The following KCNK5 variants were observed in gnomAD, a reference collection of about 807,000 sequenced individuals.
KCNK5 encodes potassium two pore domain channel subfamily K member 5.
A neutral mutation model predicts 32.9 loss-of-function variants in KCNK5; 18 were observed. The observed-to-expected ratio is 0.55, with a 90% confidence interval of 0.38 to 0.81. The LOEUF (loss-of-function observed/expected upper bound fraction) is 0.81. Among genes scored for constraint, KCNK5 ranks in the 30% least tolerant of loss-of-function variants. The pLI is 0.00. For synonymous variants in KCNK5, 276 were observed against 275.3 expected (o/e 1.00, Z -0.03); for missense variants, 507 against 651.0 (o/e 0.78, Z 2.41).
chr6:39,211,562 G>A (rs540071865), intron 1 of KCNK5, among the ~76,000 whole-genome samples: 3 of 152,356 alleles, frequency 2.0e-5, no homozygotes, highest in East Asian at 1.9e-4. Flanking sequence ...AGAACTCTCC[G>A]ATGATGGAAA....
At position 39,229,089 on chromosome 6, in the gene KCNK5, A is replaced by T; in HGVS notation, c.23T>A (p.Leu8His). The T allele has an allele frequency of 1.2e-6, 2 of 1,614,082 alleles. No individual in the cohort carries two copies. Among genetic ancestry groups the T allele is most frequent in the Non-Finnish European group, 1.7e-6 (2 of 1,179,992 alleles). The change falls in exon 1 of 5, where the codon CTC becomes CAC. Residue 8 changes from leucine to histidine, a missense_variant. Physicochemically the swap from Leu to His is moderately conservative, Grantham distance 99. Coordinates refer to ENST00000359534, the MANE Select transcript of KCNK5 (RefSeq NM_003740.4). ...CAGGTAGAAGATGATGGCCGAGGTG[A>T]GCAGAGGGCCCCGGTCCACCATGGC... is the stretch of plus-strand genomic sequence containing the variant. MVDRGPL[L>H]TSAIIFYLAI...
chr6:39,202,585 G>A (rs1163376305), intron 1 of KCNK5, among the ~76,000 whole-genome samples: 2 of 152,206 alleles, frequency 1.3e-5, no homozygotes, highest in Non-Finnish European at 2.9e-5. Context: ...TTCCTGCAGG[G>A]AGGCCTGTCC....
At chr6:39,206,520 C>T (rs993634655) in intron 1 of KCNK5, among the ~76,000 whole-genome samples, 17 of 152,182 alleles carry the variant, frequency 1.1e-4, no homozygotes, top group African/African-American at 3.6e-4. Flanking sequence ...CTTCCCATCC[C>T]GGGCCAATGA....
At chr6:39,220,222 TC>T (rs1459204053) in intron 1 of KCNK5, among the ~76,000 whole-genome samples, 2 of 152,102 alleles carry the variant, frequency 1.3e-5, no homozygotes, top group South Asian at 2.1e-4. Flanking sequence ...GGGGCAAGCA[TC>T]CCCGCTCATA....
rs183378855 is a variant in KCNK5, at chr6:39,228,647, T to A, written c.186+279A>T. Among the ~76,000 whole-genome samples, 10 of 152,282 alleles carry A rather than the reference T, an allele frequency of 6.6e-5. 1 individual carries two copies. Among genetic ancestry groups the A allele is most frequent in the African/African-American group, 2.4e-4 (10 of 41,570 alleles). On this transcript the variant is annotated intron_variant, in intron 1 of 4. Transcript: ENST00000359534. ...GAGGGAGGTACCGTCACACCCACACTGAAACACCGTGGAGCCTAGTTCACC... is the reference window on the plus strand; with the variant it reads ...GAGGGAGGTACCGTCACACCCACACAGAAACACCGTGGAGCCTAGTTCACC...
intron 1 of KCNK5, among the ~76,000 whole-genome samples, chr6:39,217,143 A>C (rs1156589701): frequency 6.9e-6 from 1 of 144,964 alleles, no homozygotes. Context: ...AAAAAAAAAA[A>C]GAAAGAAAAG....
intron 1 of KCNK5, among the ~76,000 whole-genome samples, chr6:39,213,119 T>C (rs529009442): frequency 1.3e-5 from 2 of 152,312 alleles, no homozygotes; most frequent in East Asian, 1.9e-4. Flanking sequence ...TATACACTGT[T>C]AGTGATTACA....
chr6:39,193,874 A>C (rs1184770586), intron 4 of KCNK5, among the ~76,000 whole-genome samples: 1 of 152,196 alleles, frequency 6.6e-6, no homozygotes, highest in African/African-American at 2.4e-5. Flanking sequence ...GTCCCCCATG[A>C]AGCCAAGCTC....
chr6:39,214,336 G>C (rs955695135), intron 1 of KCNK5, among the ~76,000 whole-genome samples: 1 of 152,220 alleles, frequency 6.6e-6, no homozygotes, highest in Non-Finnish European at 1.5e-5. Flanking sequence ...AGTGTCCCCA[G>C]CTAGGAGGGC....
At position 39,191,119 on chromosome 6, in the gene KCNK5, T is replaced by G; in HGVS notation, c.1271A>C (p.Asn424Thr). 1 of 1,614,220 alleles carries G rather than the reference T, an allele frequency of 6.2e-7. No individual in the cohort carries two copies. The highest frequency in any genetic ancestry group is 8.5e-7 in the Non-Finnish European group (1 of 1,180,032). Residue 424 changes from asparagine to threonine, a missense_variant, in exon 5 of 5, where the codon AAC becomes ACC. This residue lies in a region of KCNK5 where 252 missense variants were observed against 250.8 expected (regional missense o/e 1.00). Transcript: ENST00000359534. The surrounding 1 kb of genome is among the most constrained non-coding windows in gnomAD (Gnocchi z 5.8). ...IFQDASITFV[N>T]TEAGLSDEET... is the part of the protein sequence containing the mutation. ...CTCGTCTGAGAGGCCAGCCTCCGTG[T>G]TCACGAAGGTGATGCTGGCGTCCTG...
In KCNK5 at chr6:39,191,184, G is replaced by C; in HGVS notation, c.1206C>G (p.Cys402Trp). 1 of 1,614,190 alleles carries C rather than the reference G, an allele frequency of 6.2e-7. No individual in the cohort carries two copies. The highest frequency in any genetic ancestry group is 1.1e-5 in the South Asian group (1 of 91,090). The change falls in exon 5 of 5, where the codon TGC becomes TGG. Residue 402 changes from cysteine (C) to tryptophan (W), a missense_variant. Cys to Trp is a radical substitution (Grantham distance 215). This residue lies in a region of KCNK5 where 252 missense variants were observed against 250.8 expected (regional missense o/e 1.00). Transcript: ENST00000359534. The surrounding 1 kb of genome is among the most constrained non-coding windows in gnomAD (Gnocchi z 5.8). ...MNQLDRISEE[C>W]EPWDAQDYHP... The stretch of plus-strand genomic sequence containing the variant: ...GGTAGTCCTGGGCGTCCCATGGCTC[G>C]CATTCCTCGCTGATGCGGTCCAGCT...
intron 1 of KCNK5, among the ~76,000 whole-genome samples, chr6:39,212,865 GA>G (rs1447060988): frequency 6.6e-6 from 1 of 152,204 alleles, no homozygotes; most frequent in Admixed American, 6.5e-5. Context: ...TGCTGCCAAG[GA>G]AGCTAGCAGT....
chr6:39,222,025 A>G (rs754261563), intron 1 of KCNK5, among the ~76,000 whole-genome samples: 4 of 152,076 alleles, frequency 2.6e-5, no homozygotes, highest in Non-Finnish European at 5.9e-5. Context: ...TGTGTTTCCA[A>G]CTCCACTGTA....
At chr6:39,198,647 A>G (rs1771069869) in intron 1 of KCNK5, among the ~76,000 whole-genome samples, 2 of 152,166 alleles carry the variant, frequency 1.3e-5, no homozygotes, top group African/African-American at 4.8e-5. Flanking sequence ...TGTCACAAGA[A>G]AAGTAAATGC....
At chr6:39,209,904 T>A (rs1771300371) in intron 1 of KCNK5, among the ~76,000 whole-genome samples, 1 of 152,028 alleles carries the variant, frequency 6.6e-6, no homozygotes, top group Admixed American at 6.5e-5. Context: ...CACCTCCTCA[T>A]CAATTCTCAA....
At chr6:39,217,846 G>T (rs1771468894) in intron 1 of KCNK5, among the ~76,000 whole-genome samples, 1 of 152,162 alleles carries the variant, frequency 6.6e-6, no homozygotes, top group African/African-American at 2.4e-5. Context: ...TTCTGCCTGA[G>T]GCCCTGGCTG....
chr6:39,194,857 G>A lies in KCNK5; in HGVS notation c.299-97C>T. 1.0e-6 allele frequency: 1 copy of A among 998,356 alleles called. No individual in the cohort carries two copies. Among genetic ancestry groups the A allele is most frequent in the South Asian group, 1.5e-5 (1 of 68,590 alleles). 61.8% of individuals were successfully genotyped at this position (998,356 alleles called of 1,614,324 possible). On this transcript the variant is annotated intron_variant, in intron 2 of 4. Coordinates refer to ENST00000359534, the MANE Select transcript of KCNK5 (RefSeq NM_003740.4). This position sits in a 1 kb window ranked among gnomAD's most constrained non-coding sequence, Gnocchi z 4.7. The stretch of plus-strand genomic sequence containing the variant: ...CACAGCCCGTTCTCTAAGATAAATT[G>A]ATATTGATCTATTGTCAGTACTTAA...
intron 1 of KCNK5, among the ~76,000 whole-genome samples, chr6:39,227,273 C>G (rs949857638): frequency 1.1e-4 from 17 of 152,114 alleles, no homozygotes; most frequent in Non-Finnish European, 2.2e-4. Flanking sequence ...ATCATCCTTG[C>G]CTGCCCTCTT....
chr6:39,207,645 C>T (rs1457284658), intron 1 of KCNK5, among the ~76,000 whole-genome samples: 2 of 113,492 alleles, frequency 1.8e-5, no homozygotes, highest in African/African-American at 3.4e-5. Flanking sequence ...AGGTGGGTGG[C>T]GGGGGTGGGG....
Sources: allele counts gnomAD v4.1 joint callset (sites outside exome capture counted in the v4.1 genomes callset), GRCh38; gene constraint gnomAD v4.1.1; regional missense constraint gnomAD v4.1.1; non-coding constraint Gnocchi (gnomAD v3.1); transcripts MANE v1.5; gene names NCBI Gene and HGNC (gene_info 2026-07-23, HGNC 2026-07-21).